Variants in NDUFA12 observed in about 807,000 individuals in gnomAD.
NDUFA12 encodes the protein NADH dehydrogenase [ubiquinone] 1 alpha subcomplex subunit 12.
A neutral mutation model predicts 20.3 loss-of-function variants in NDUFA12; 17 were observed. The ratio of observed to expected loss-of-function variants is 0.84; its 90% CI spans 0.57 to 1.26. The LOEUF (loss-of-function observed/expected upper bound fraction) is 1.26. Among genes scored for constraint, NDUFA12 ranks in the 50% most tolerant of loss-of-function variants. NDUFA12 has a pLI of 0.00. For synonymous variants in NDUFA12, 72 were observed against 63.6 expected, an observed-to-expected ratio of 1.13 and a Z score of -0.63; for missense variants, 191 against 183.7, an observed-to-expected ratio of 1.04 and a Z score of -0.23.
chr12:95,003,329 C>A (rs1270223347), intron 1 of NDUFA12, among the ~76,000 whole-genome samples: 1 of 152,196 alleles, frequency 6.6e-6, no homozygotes, highest in Non-Finnish European at 1.5e-5. Context: ...TTGTAATCCT[C>A]ATTACTCTCC....
rs1439737496 is a variant in NDUFA12 at position 94,978,058 on chromosome 12, C to T, written c.258-6438G>A. On this transcript the variant is annotated intron_variant, in intron 3 of 3. Transcript: ENST00000327772. ...AGGAAAAGCAAGAAGGCCAATGTGG[C>T]CAAGTCAGAGTCAACAGGGCTGTGA... Among the ~76,000 whole-genome samples, 5 of 152,126 alleles carry T rather than the reference C, an allele frequency of 3.3e-5. No homozygotes were observed. In the East Asian group the frequency reaches 9.6e-4, roughly 29 times the overall value.
intron 3 of NDUFA12, among the ~76,000 whole-genome samples, chr12:94,990,613 T>C (rs931523578): frequency 3.9e-5 from 6 of 152,142 alleles, no homozygotes; most frequent in Admixed American, 2.0e-4. Flanking sequence ...TTTTTATTTA[T>C]AGAGATGAGG....
intron 3 of NDUFA12, among the ~76,000 whole-genome samples, chr12:94,993,784 A>G (rs1258809619): frequency 1.3e-5 from 2 of 151,376 alleles, no homozygotes; most frequent in Non-Finnish European, 2.9e-5. Context: ...AAAATACAAA[A>G]TTAGCCAGGC....
chr12:94,971,802 G>C, intron 3 of NDUFA12, 182 bp from the exon 4 acceptor site: 1 of 785,106 alleles, frequency 1.3e-6, no homozygotes, highest in Non-Finnish European at 2.3e-6. Context: ...ACTCCTCAGG[G>C]ATGGTATAAA....
At chr12:95,002,634 C>T in intron 2 of NDUFA12, 105 bp downstream of exon 2, 3 of 835,632 alleles carry the variant, frequency 3.6e-6, no homozygotes, top group Non-Finnish European at 4.1e-6. Flanking sequence ...GTTTTTCATC[C>T]TTTTCCAGGT....
intron 3 of NDUFA12, chr12:94,971,945 C>T (rs1357975674): frequency 2.6e-5 from 11 of 425,160 alleles, no homozygotes; most frequent in Non-Finnish European, 4.4e-5. Context: ...CTTTTGGAGA[C>T]AGGGTCTCAC....
intron 3 of NDUFA12, among the ~76,000 whole-genome samples, chr12:94,986,633 T>C (rs948533573): frequency 3.6e-5 from 2 of 55,964 alleles, no homozygotes; most frequent in Admixed American, 3.3e-4. Context: ...CCCTATCTCC[T>C]AAAAAAAAAC....
chr12:94,977,216 G>A (rs949316051), intron 3 of NDUFA12, among the ~76,000 whole-genome samples: 2 of 152,132 alleles, frequency 1.3e-5, no homozygotes, highest in Non-Finnish European at 2.9e-5. Flanking sequence ...ACTGTAACAG[G>A]CTAGGCACAG....
chr12:95,000,445 A>C (rs891081591), intron 2 of NDUFA12, among the ~76,000 whole-genome samples: 15 of 152,226 alleles, frequency 9.9e-5, no homozygotes, highest in African/African-American at 3.6e-4. Flanking sequence ...TACTCCAAAA[A>C]CTATTGAAAT....
intron 3 of NDUFA12, among the ~76,000 whole-genome samples, chr12:94,989,166 C>G (rs538301058): frequency 6.6e-6 from 1 of 152,298 alleles, no homozygotes; most frequent in East Asian, 1.9e-4. Flanking sequence ...AAAACAGCCA[C>G]CTGACCCTTC....
intron 1 of NDUFA12, among the ~76,000 whole-genome samples, chr12:95,003,375 G>A (rs977670907): frequency 1.1e-4 from 16 of 152,196 alleles, no homozygotes; most frequent in African/African-American, 3.9e-4. Flanking sequence ...AGATGCCCTT[G>A]CCTCCGAGTC....
intron 2 of NDUFA12, 71 bp downstream of exon 2, chr12:95,002,668 A>T: frequency 9.1e-7 from 1 of 1,102,628 alleles, no homozygotes. Flanking sequence ...TCATTGCATA[A>T]TATGGAAAAT....
intron 3 of NDUFA12, among the ~76,000 whole-genome samples, chr12:94,986,787 T>C (rs1432740578): frequency 6.6e-6 from 1 of 152,000 alleles, no homozygotes; most frequent in Non-Finnish European, 1.5e-5. Flanking sequence ...TGAGACCCTA[T>C]CTCAAATAAA....
intron 3 of NDUFA12, among the ~76,000 whole-genome samples, chr12:94,982,576 A>G (rs1874280096): frequency 6.6e-6 from 1 of 151,870 alleles, no homozygotes; most frequent in South Asian, 2.1e-4. Context: ...CCCAGAAGCT[A>G]TTTTCTTTAA....
intron 3 of NDUFA12, among the ~76,000 whole-genome samples, chr12:94,979,609 T>G (rs889909801): frequency 1.3e-5 from 2 of 151,676 alleles, no homozygotes; most frequent in Non-Finnish European, 2.9e-5. Flanking sequence ...GGCAGGCGGA[T>G]CACATGAGGC....
intron 2 of NDUFA12, among the ~76,000 whole-genome samples, chr12:95,001,597 T>C (rs1279191710): frequency 1.3e-5 from 2 of 152,144 alleles, no homozygotes; most frequent in Admixed American, 6.5e-5. Context: ...CACTGCACTC[T>C]AGACTGGGTG....
At chr12:94,974,485 T>C (rs1028861858) in intron 3 of NDUFA12, among the ~76,000 whole-genome samples, 2 of 152,212 alleles carry the variant, frequency 1.3e-5, no homozygotes, top group African/African-American at 4.8e-5. Context: ...TCAGCAATGA[T>C]GCTGCTGGGT....
chr12:94,986,774 G>C (rs1162474722), intron 3 of NDUFA12, among the ~76,000 whole-genome samples: 1 of 152,084 alleles, frequency 6.6e-6, no homozygotes, highest in Admixed American at 6.6e-5. Flanking sequence ...CTGGGCGACA[G>C]AGTGAGACCC....
intron 3 of NDUFA12, among the ~76,000 whole-genome samples, chr12:94,988,620 C>T (rs12298900): frequency 0.32 from 48,225 of 151,928 alleles, 8,049 homozygotes; most frequent in East Asian, 0.42. Context: ...GGGCCAGCAG[C>T]GTGGGTCAGC....
Sources: gnomAD v4.1 joint callset for allele counts (sites outside exome capture counted in the v4.1 genomes callset) on GRCh38, gnomAD v4.1.1 for gene constraint, MANE v1.5 for transcripts, NCBI Gene and HGNC (gene_info 2026-07-23, HGNC 2026-07-21) for gene names.